DLC1: variants seen among roughly 807,000 people sequenced by gnomAD.
The protein encoded by DLC1 is rho GTPase-activating protein 7.
In DLC1, 54 loss-of-function variants were observed where a neutral mutation model predicts 140.3. The observed-to-expected ratio is 0.38, with a 90% CI of 0.31 to 0.48. The LOEUF (loss-of-function observed/expected upper bound fraction) is 0.48. Among genes scored for constraint, DLC1 ranks in the 20% least tolerant of loss-of-function variants. The probability of loss-of-function intolerance (pLI) is 0.96; values close to 1 mark genes in which losing one functional copy is unlikely to be tolerated. For synonymous variants in DLC1, 986 were observed against 728.1 expected (o/e 1.35, Z -5.70); for missense variants, 2,536 against 1,907.0 (o/e 1.33, Z -6.14).
At chr8:13,171,172 CAAGA>C (rs954046346) in intron 5 of DLC1, among the ~76,000 whole-genome samples, 2 of 152,000 alleles carry the variant, frequency 1.3e-5, no homozygotes, top group East Asian at 1.9e-4. Context: ...GAGATTTGGG[CAAGA>C]AAGAAAGAAA....
intron 5 of DLC1, among the ~76,000 whole-genome samples, chr8:13,257,686 A>C (rs1343768034): frequency 4.0e-5 from 6 of 151,256 alleles, no homozygotes; most frequent in Non-Finnish European, 8.8e-5. Context: ...TCAGAATATG[A>C]TGTTGACTTT....
chr8:13,559,972 A>T (rs1180104568), intron 1 of DLC1, among the ~76,000 whole-genome samples: 1 of 152,240 alleles, frequency 6.6e-6, no homozygotes, highest in Non-Finnish European at 1.5e-5. Flanking sequence ...ACAATAAAAC[A>T]AATGTAAATA....
chr8:13,386,719 A>T (rs1342165650), intron 4 of DLC1, among the ~76,000 whole-genome samples: 1 of 152,128 alleles, frequency 6.6e-6, no homozygotes, highest in African/African-American at 2.4e-5. Context: ...TAGGTGAATG[A>T]AATCCTCTGT....
intron 4 of DLC1, among the ~76,000 whole-genome samples, chr8:13,357,675 T>C (rs897196875): frequency 7.9e-5 from 12 of 152,246 alleles, no homozygotes; most frequent in African/African-American, 2.9e-4. Context: ...TCTCTTTTCA[T>C]GAGTCAAATC....
chr8:13,139,636 A>G (rs1481660650), intron 5 of DLC1, among the ~76,000 whole-genome samples: 2 of 152,228 alleles, frequency 1.3e-5, no homozygotes, highest in Non-Finnish European at 2.9e-5. Context: ...CTATATTGAC[A>G]GTAGGAATTC....
At chr8:13,465,566 C>G (rs780962415) in intron 2 of DLC1, among the ~76,000 whole-genome samples, 5 of 151,612 alleles carry the variant, frequency 3.3e-5, no homozygotes, top group Non-Finnish European at 1.5e-5. Flanking sequence ...TTTTTTTGCC[C>G]GTTCTTCTTC....
intron 1 of DLC1, among the ~76,000 whole-genome samples, chr8:13,576,567 G>A (rs1213868945): frequency 1.3e-5 from 2 of 152,146 alleles, no homozygotes; most frequent in Non-Finnish European, 2.9e-5. Context: ...TGAGAGAGTC[G>A]ATTGCTATTT....
intron 2 of DLC1, among the ~76,000 whole-genome samples, chr8:13,483,762 G>A (rs1363983444): frequency 6.6e-6 from 1 of 152,052 alleles, no homozygotes; most frequent in East Asian, 1.9e-4. Flanking sequence ...GCAATAGAAG[G>A]GAGAAGTACA....
At chr8:13,352,131 T>G (rs1189311325) in intron 4 of DLC1, among the ~76,000 whole-genome samples, 2 of 152,214 alleles carry the variant, frequency 1.3e-5, no homozygotes, top group Admixed American at 6.5e-5. Flanking sequence ...GACAACTGTT[T>G]ACAAGACACT....
At chr8:13,363,631 T>C (rs984094140) in intron 4 of DLC1, among the ~76,000 whole-genome samples, 29 of 152,194 alleles carry the variant, frequency 1.9e-4, no homozygotes, top group Non-Finnish European at 3.1e-4. Context: ...TTAAGGTATT[T>C]TTACATGTTC....
intron 1 of DLC1, among the ~76,000 whole-genome samples, chr8:13,577,212 C>G (rs78230652): frequency 0.068 from 10,420 of 152,230 alleles, 463 homozygotes; most frequent in South Asian, 0.17. Flanking sequence ...TCCTCAAAGA[C>G]TGTGCTTTAA....
At chr8:13,384,315 A>G (rs951770637) in intron 4 of DLC1, among the ~76,000 whole-genome samples, 3 of 152,120 alleles carry the variant, frequency 2.0e-5, no homozygotes, top group East Asian at 1.9e-4. Context: ...CCACCCCACA[A>G]TCTTCCCTCG....
intron 5 of DLC1, among the ~76,000 whole-genome samples, chr8:13,290,066 T>C (rs113969963): frequency 0.077 from 11,724 of 152,306 alleles, 504 homozygotes; most frequent in South Asian, 0.16. Flanking sequence ...TTTTATGAGC[T>C]TAGTGCATTT....
At chr8:13,548,238 C>G (rs543154688) in intron 1 of DLC1, among the ~76,000 whole-genome samples, 1 of 152,120 alleles carries the variant, frequency 6.6e-6, no homozygotes, top group African/African-American at 2.4e-5. Flanking sequence ...CTACCCGACC[C>G]TACACCTCAC....
chr8:13,478,327 C>G (rs1337751836), intron 2 of DLC1, among the ~76,000 whole-genome samples: 5 of 152,180 alleles, frequency 3.3e-5, no homozygotes, highest in African/African-American at 1.2e-4. Flanking sequence ...CTCACTATCA[C>G]CAAGGCATCA....
At chr8:13,108,967 G>C (rs551312480) in intron 7 of DLC1, among the ~76,000 whole-genome samples, 2 of 152,116 alleles carry the variant, frequency 1.3e-5, no homozygotes, top group Admixed American at 6.5e-5. Context: ...CAGAAAATGG[G>C]TACACACCCT....
intron 1 of DLC1, among the ~76,000 whole-genome samples, chr8:13,579,477 A>C (rs1274122110): frequency 9.4e-6 from 1 of 106,720 alleles, no homozygotes; most frequent in African/African-American, 3.9e-5. Flanking sequence ...TATATTTTAT[A>C]TTATATATTT....
chr8:13,320,242 T>TATCTTAAATTTCTTGCTAATATC (rs1833039833), intron 4 of DLC1, among the ~76,000 whole-genome samples: 2 of 152,190 alleles, frequency 1.3e-5, no homozygotes, highest in Non-Finnish European at 2.9e-5. Flanking sequence ...GCTGCTTTAT[T>TATCTTAAATTTCTTGCTAATATC]ATCTTAAATT....
At chr8:13,589,460 C>A (rs1421058189) in intron 1 of DLC1, among the ~76,000 whole-genome samples, 1 of 152,020 alleles carries the variant, frequency 6.6e-6, no homozygotes, top group Admixed American at 6.6e-5. Flanking sequence ...ATCACATGAG[C>A]CCTCTGAAAG....
Sources: gnomAD v4.1 joint callset for allele counts (sites outside exome capture counted in the v4.1 genomes callset) on GRCh38, gnomAD v4.1.1 for gene constraint, MANE v1.5 for transcripts, NCBI Gene and HGNC (gene_info 2026-07-23, HGNC 2026-07-21) for gene names.